DYM: variants seen among roughly 807,000 people sequenced by gnomAD.
DYM encodes the protein dyggve-Melchior-Clausen syndrome protein.
Under a neutral mutation model 93.1 loss-of-function variants are expected in DYM, and 78 were observed. The observed-to-expected ratio is 0.84, with a 90% CI of 0.70 to 1.01. DYM has a LOEUF of 1.01. DYM is among the 50% of genes least tolerant of loss of function. The probability of loss-of-function intolerance (pLI) is 0.00; values close to 1 mark genes in which losing one functional copy is unlikely to be tolerated. For synonymous variants in DYM, 321 were observed against 319.7 expected (o/e 1.00, Z -0.04); for missense variants, 789 against 845.0 (o/e 0.93, Z 0.82).
rs769151012 is a variant in DYM at position 49,391,578 on chromosome 18, A to G, written c.193+15T>C. On this transcript the variant is annotated intron_variant, in intron 3 of 17. Coordinates refer to ENST00000675505, the MANE Select transcript of DYM (RefSeq NM_001353214.3). ...AATTTGAAAACAACACCCCACACACATTTTTCCCACTTACCTAATGACCTG... is the reference window on the plus strand; with the variant it reads ...AATTTGAAAACAACACCCCACACACGTTTTTCCCACTTACCTAATGACCTG... The G allele has an allele frequency of 2.5e-6, 4 of 1,612,984 alleles. No homozygotes were observed. The South Asian group carries it at 4.4e-5, about 18-fold the overall frequency.
At chr18:49,410,026 C>T (rs577995283) in intron 2 of DYM, among the ~76,000 whole-genome samples, 1 of 152,304 alleles carries the variant, frequency 6.6e-6, no homozygotes, top group South Asian at 2.1e-4. Flanking sequence ...TTTCTACTAA[C>T]TCATCTGTCT....
At chr18:49,316,606 A>G (rs1276700488) in intron 8 of DYM, among the ~76,000 whole-genome samples, 2 of 152,226 alleles carry the variant, frequency 1.3e-5, no homozygotes, top group East Asian at 1.9e-4. Flanking sequence ...GTTTATAACA[A>G]TAGGAGAAAT....
At chr18:49,195,575 C>T (rs150259137) in intron 14 of DYM, among the ~76,000 whole-genome samples, 3 of 152,264 alleles carry the variant, frequency 2.0e-5, no homozygotes, top group African/African-American at 7.2e-5. Context: ...GAAATCATAA[C>T]AGAATCTACA....
At chr18:49,421,258 G>A (rs12454198) in intron 2 of DYM, among the ~76,000 whole-genome samples, 12,191 of 152,130 alleles carry the variant, frequency 0.08, 769 homozygotes, top group East Asian at 0.31. Context: ...AGTAGGGGCC[G>A]ACTGACACCT....
chr18:49,274,044 G>C (rs1263774346), intron 10 of DYM, among the ~76,000 whole-genome samples: 1 of 151,958 alleles, frequency 6.6e-6, no homozygotes, highest in Non-Finnish European at 1.5e-5. Flanking sequence ...TCCATTCAAA[G>C]TGCACAATTC....
At position 49,232,258 on chromosome 18, in the gene DYM, C is replaced by T. The variant is rs16950458; in HGVS notation, c.1461-22543G>A. ...TCACTTTCTGTATTAGCTGGCCATA[C>T]GGAAATTCTACTTGATTGAAACAGA... On this transcript the variant is annotated intron_variant, in intron 13 of 17. Coordinates refer to ENST00000675505, the MANE Select transcript of DYM (RefSeq NM_001353214.3). Among the ~76,000 whole-genome samples the T allele has an allele frequency of 6.5e-3, 981 of 151,950 alleles. 10 individuals are homozygous for T. Among genetic ancestry groups the T allele is most frequent in the African/African-American group, 0.022 (897 of 41,444 alleles).
At chr18:49,443,878 G>C (rs1421688580) in intron 1 of DYM, among the ~76,000 whole-genome samples, 1 of 152,178 alleles carries the variant, frequency 6.6e-6, no homozygotes, top group African/African-American at 2.4e-5. Flanking sequence ...ATTGTGTCCA[G>C]AGAAAATAAA....
At chr18:49,250,488 G>C (rs916119495) in intron 13 of DYM, among the ~76,000 whole-genome samples, 2 of 152,156 alleles carry the variant, frequency 1.3e-5, no homozygotes, top group Non-Finnish European at 1.5e-5. Flanking sequence ...CTAGCCCCTA[G>C]GCCAGAAACT....
At chr18:49,087,858 T>C (rs1488359919) in intron 17 of DYM, among the ~76,000 whole-genome samples, 2 of 152,208 alleles carry the variant, frequency 1.3e-5, no homozygotes, top group African/African-American at 4.8e-5. Flanking sequence ...TTTGCATTTC[T>C]CTGATGGCCA....
intron 14 of DYM, among the ~76,000 whole-genome samples, chr18:49,207,752 G>A (rs376511999): frequency 1.3e-5 from 2 of 152,216 alleles, no homozygotes; most frequent in African/African-American, 4.8e-5. Context: ...CTGCCAACCT[G>A]CCCTACAGAT....
At chr18:49,210,736 TAC>T (rs756192999) in intron 13 of DYM, among the ~76,000 whole-genome samples, 3 of 152,086 alleles carry the variant, frequency 2.0e-5, no homozygotes, top group Non-Finnish European at 4.4e-5. Flanking sequence ...CTATAACAAA[TAC>T]GTCACTCTGG....
Position 49,221,633 on chromosome 18 carries a change from A to G in DYM, c.1461-11918T>C, listed in dbSNP as rs561954522. On this transcript the variant is annotated intron_variant, in intron 13 of 17. Transcript: ENST00000675505. ...GACACGGATGAAACTGGAAATCATC[A>G]TTCTCAGTAAACTATCACAAGGACA... Among the ~76,000 whole-genome samples, 29 of 152,350 alleles carry G rather than the reference A, an allele frequency of 1.9e-4. 1 individual carries two copies. The South Asian group carries it at 5.8e-3, about 30-fold the overall frequency.
chr18:49,435,584 T>C (rs2080781273), intron 1 of DYM, among the ~76,000 whole-genome samples: 2 of 152,082 alleles, frequency 1.3e-5, no homozygotes, highest in Admixed American at 6.6e-5. Flanking sequence ...GGTCAGGAGT[T>C]AGAGACCAGC....
chr18:49,449,700 A>G (rs1010207449), intron 1 of DYM, among the ~76,000 whole-genome samples: 6 of 152,210 alleles, frequency 3.9e-5, no homozygotes, highest in Non-Finnish European at 7.4e-5. Flanking sequence ...ATGATTGTTT[A>G]TTCTCTGTAA....
intron 8 of DYM, among the ~76,000 whole-genome samples, chr18:49,289,645 AG>A (rs1227449747): frequency 6.8e-6 from 1 of 147,628 alleles, no homozygotes; most frequent in Non-Finnish European, 1.5e-5. Flanking sequence ...CAGGAGGTTG[AG>A]GCTACAGTAA....
intron 3 of DYM, among the ~76,000 whole-genome samples, chr18:49,381,224 C>G (rs773161864): frequency 6.6e-6 from 1 of 151,996 alleles, no homozygotes; most frequent in African/African-American, 2.4e-5. Flanking sequence ...TTTGAACTTA[C>G]TGAAATGTGT....
At chr18:49,056,975 A>G (rs1226237926) in intron 17 of DYM, among the ~76,000 whole-genome samples, 1 of 152,238 alleles carries the variant, frequency 6.6e-6, no homozygotes, top group East Asian at 1.9e-4. Context: ...GACTACAGGT[A>G]TGAGCCATGG....
At chr18:49,390,526 G>A (rs1488322689) in intron 3 of DYM, among the ~76,000 whole-genome samples, 2 of 150,146 alleles carry the variant, frequency 1.3e-5, no homozygotes, top group African/African-American at 4.9e-5. Flanking sequence ...AATGTTTTTT[G>A]AGACAGAGTC....
At chr18:49,123,615 T>G (rs1263674711) in intron 15 of DYM, among the ~76,000 whole-genome samples, 1 of 152,250 alleles carries the variant, frequency 6.6e-6, no homozygotes, top group East Asian at 1.9e-4. Context: ...CTGTTCTGAC[T>G]GCTTTTTCTG....
Sources: gnomAD v4.1 joint callset for allele counts (sites outside exome capture counted in the v4.1 genomes callset) on GRCh38, gnomAD v4.1.1 for gene constraint, MANE v1.5 for transcripts, NCBI Gene and HGNC (gene_info 2026-07-23, HGNC 2026-07-21) for gene names.